LSAMP: variants seen among roughly 807,000 people sequenced by gnomAD.
LSAMP encodes limbic system associated membrane protein, also known as limbic system-associated membrane protein.
In LSAMP, 7 loss-of-function variants were observed where a neutral mutation model predicts 38.6. The observed-to-expected ratio is 0.18, with a 90% confidence interval of 0.10 to 0.34. The LOEUF is 0.34. Among genes scored for constraint, LSAMP ranks in the 10% least tolerant of loss-of-function variants. The pLI, the probability that LSAMP is intolerant of heterozygous loss-of-function variation, is 1.00. For missense variants in LSAMP, 313 were observed against 420.0 expected (o/e 0.75, Z 2.23); for synonymous variants, 154 against 166.8 (o/e 0.92, Z 0.59).
chr3:116,379,533 G>A (rs1408749716), intron 1 of LSAMP, among the ~76,000 whole-genome samples: 1 of 151,998 alleles, frequency 6.6e-6, no homozygotes, highest in African/African-American at 2.4e-5. Flanking sequence ...GTTCTAAGCA[G>A]GGAAGTGACA....
chr3:115,998,467 G>A (rs980029727), intron 3 of LSAMP, among the ~76,000 whole-genome samples: 29 of 152,072 alleles, frequency 1.9e-4, no homozygotes, highest in African/African-American at 7.0e-4. Flanking sequence ...AATTCACAAA[G>A]TGTAATGGGA....
intron 2 of LSAMP, among the ~76,000 whole-genome samples, chr3:116,059,038 C>T (rs1222408830): frequency 1.3e-5 from 2 of 151,982 alleles, no homozygotes; most frequent in African/African-American, 2.4e-5. Flanking sequence ...GTGACACATT[C>T]CCTATCTAGT....
intron 1 of LSAMP, among the ~76,000 whole-genome samples, chr3:116,117,684 A>G (rs910396349): frequency 6.6e-6 from 1 of 151,988 alleles, no homozygotes; most frequent in Admixed American, 6.6e-5. Context: ...GTGGTCAAGT[A>G]TTTTGTGGCA....
intron 1 of LSAMP, among the ~76,000 whole-genome samples, chr3:116,295,917 G>A (rs1411009388): frequency 6.6e-6 from 1 of 152,166 alleles, no homozygotes; most frequent in Non-Finnish European, 1.5e-5. Context: ...TAGTACATTA[G>A]GAAATTTATG....
intron 1 of LSAMP, among the ~76,000 whole-genome samples, chr3:116,272,312 T>C (rs747550686): frequency 1.3e-5 from 2 of 152,108 alleles, no homozygotes; most frequent in African/African-American, 4.8e-5. Context: ...AAAATAACAA[T>C]GGACAACAAA....
chr3:116,068,614 CTAGA>C (rs1707520285), intron 2 of LSAMP, among the ~76,000 whole-genome samples: 1 of 151,596 alleles, frequency 6.6e-6, no homozygotes, highest in Non-Finnish European at 1.5e-5. Flanking sequence ...TGAACAATAT[CTAGA>C]TAATTACAAA....
At chr3:116,392,890 GT>G (rs2048723019) in intron 1 of LSAMP, among the ~76,000 whole-genome samples, 1 of 152,136 alleles carries the variant, frequency 6.6e-6, no homozygotes, top group Non-Finnish European at 1.5e-5. Flanking sequence ...TCTCCTCTCT[GT>G]TGAGAACTAA....
chr3:116,358,194 A>T (rs1419249965), intron 1 of LSAMP, among the ~76,000 whole-genome samples: 1 of 152,182 alleles, frequency 6.6e-6, no homozygotes, highest in African/African-American at 2.4e-5. Flanking sequence ...TGTTCCCCAA[A>T]GAAAAAGCTA....
chr3:115,915,710 G>A lies in LSAMP; in HGVS notation c.515-63093C>T, dbSNP rs182702437. Among the ~76,000 whole-genome samples the A allele has an allele frequency of 2.5e-3, 386 of 151,844 alleles. 1 individual carries two copies. The highest frequency in any genetic ancestry group is 8.7e-3 in the African/African-American group (358 of 41,384). On this transcript the variant is annotated intron_variant, in intron 3 of 6. Coordinates refer to ENST00000490035, the MANE Select transcript of LSAMP (RefSeq NM_002338.5). ...TGCAGTGGCGCAATCTCGGCTCACT[G>A]CAACTTCCGCCTCCCGGGTTCAAGC...
At chr3:116,157,942 T>C (rs1709792529) in intron 1 of LSAMP, among the ~76,000 whole-genome samples, 1 of 152,086 alleles carries the variant, frequency 6.6e-6, no homozygotes, top group Non-Finnish European at 1.5e-5. Context: ...TGAACATAGA[T>C]GCAAAAATCC....
chr3:116,232,702 T>TTTTC (rs1553715838), intron 1 of LSAMP, among the ~76,000 whole-genome samples: 1,439 of 129,688 alleles, frequency 0.011, 33 homozygotes, highest in African/African-American at 0.048. Context: ...TTTCTTTCTT[T>TTTTC]TTTTTTTTTT....
At chr3:115,978,038 T>A (rs1939242625) in intron 3 of LSAMP, among the ~76,000 whole-genome samples, 1 of 152,020 alleles carries the variant, frequency 6.6e-6, no homozygotes, top group African/African-American at 2.4e-5. Flanking sequence ...TGAAACACGG[T>A]CTCTCTGTTG....
At chr3:116,417,268 A>C (rs2049064029) in intron 1 of LSAMP, among the ~76,000 whole-genome samples, 2 of 152,314 alleles carry the variant, frequency 1.3e-5, no homozygotes, top group South Asian at 4.1e-4. Flanking sequence ...CTGGGTTTTC[A>C]GTTCCTCCTC....
chr3:115,980,850 CT>C (rs1378362063), intron 3 of LSAMP, among the ~76,000 whole-genome samples: 7 of 152,090 alleles, frequency 4.6e-5, no homozygotes, highest in African/African-American at 1.7e-4. Context: ...ATGAAGTAGC[CT>C]TTATGCTTCA....
intron 1 of LSAMP, among the ~76,000 whole-genome samples, chr3:116,334,419 C>T (rs942708058): frequency 1.3e-5 from 2 of 152,036 alleles, no homozygotes; most frequent in African/African-American, 2.4e-5. Context: ...GATAGCTAAG[C>T]CAGACAAAAA....
chr3:115,843,480 C>A (rs1020212119), intron 4 of LSAMP, among the ~76,000 whole-genome samples: 1 of 152,194 alleles, frequency 6.6e-6, no homozygotes, highest in Non-Finnish European at 1.5e-5. Flanking sequence ...TATGGGCCTT[C>A]AAGGAGAGAA....
At chr3:116,201,680 G>A (rs537796887) in intron 1 of LSAMP, among the ~76,000 whole-genome samples, 1 of 152,158 alleles carries the variant, frequency 6.6e-6, no homozygotes, top group South Asian at 2.1e-4. Context: ...GAAACTGAAT[G>A]CTGTGTTTCA....
At chr3:115,902,471 T>G (rs999177677) in intron 3 of LSAMP, among the ~76,000 whole-genome samples, 7 of 151,208 alleles carry the variant, frequency 4.6e-5, no homozygotes, top group Middle Eastern at 3.2e-3. Context: ...CTAAAAGCAA[T>G]TGCAGCAAAA....
intron 3 of LSAMP, among the ~76,000 whole-genome samples, chr3:115,874,689 A>C (rs6438283): frequency 6.6e-6 from 1 of 152,004 alleles, no homozygotes; most frequent in African/African-American, 2.4e-5. Context: ...TCATGAAGCT[A>C]CCATCTAAAT....
Sources: gnomAD v4.1 joint callset for allele counts (sites outside exome capture counted in the v4.1 genomes callset) on GRCh38, gnomAD v4.1.1 for gene constraint, MANE v1.5 for transcripts, NCBI Gene and HGNC (gene_info 2026-07-23, HGNC 2026-07-21) for gene names.